PHTF1: variants seen among roughly 807,000 people sequenced by gnomAD.
PHTF1 encodes the protein protein PHTF1.
PHTF1 carries 88 observed loss-of-function variants against 102.4 expected under a neutral mutation model. The observed-to-expected ratio is 0.86, with a 90% confidence interval of 0.72 to 1.03. The LOEUF is 1.03. PHTF1 is among the 50% of genes least tolerant of loss of function. PHTF1 has a pLI of 0.00. For synonymous variants in PHTF1, 289 were observed against 305.2 expected, an observed-to-expected ratio of 0.95 and a Z score of 0.55; for missense variants, 814 against 909.5, an observed-to-expected ratio of 0.89 and a Z score of 1.35.
intron 2 of PHTF1, 144 bp downstream of exon 2, chr1:113,758,514 CT>C (rs200794989): frequency 0.17 from 56,526 of 326,790 alleles, 280 homozygotes; most frequent in Middle Eastern, 0.21. Context: ...CCTTGTACAT[CT>C]TTTTTTTTTT....
chr1:113,753,866 TC>T (rs1295816868), intron 3 of PHTF1, among the ~76,000 whole-genome samples: 1 of 151,824 alleles, frequency 6.6e-6, no homozygotes, highest in African/African-American at 2.4e-5. Flanking sequence ...AGACAGAGTC[TC>T]CCTATGTTGC....
intron 3 of PHTF1, among the ~76,000 whole-genome samples, chr1:113,754,786 C>A (rs1176721247): frequency 6.6e-6 from 1 of 152,086 alleles, no homozygotes; most frequent in Non-Finnish European, 1.5e-5. Context: ...ACCATTAAAA[C>A]CTTTCAATTT....
Position 113,699,836 on chromosome 1 carries a change from GA to G in PHTF1, c.2047-38del, listed in dbSNP as rs201387268. 2,024 of 839,708 alleles carry G rather than the reference GA, an allele frequency of 2.4e-3. 24 individuals carry two copies. The highest frequency in any genetic ancestry group is 0.023 in the African/African-American group (1,299 of 57,712). 52.0% of individuals were successfully genotyped at this position (839,708 alleles called of 1,614,324 possible). ...AATAGAAATTAAGGTAAATTTCTTG[GA>G]AAAAAATATATATACTGCATAAAAT... On this transcript the variant is annotated intron_variant, in intron 16 of 18. Transcript: ENST00000369604.
chr1:113,749,641 CT>C (rs1557972156), intron 3 of PHTF1: 2 of 152,176 alleles, frequency 1.3e-5, no homozygotes, highest in African/African-American at 4.8e-5. Flanking sequence ...TAAGGAAGAT[CT>C]GGGGGTAGAT....
intron 15 of PHTF1, 126 bp from the exon 16 acceptor site, chr1:113,701,075 C>T (rs965044882): frequency 1.5e-6 from 1 of 688,346 alleles, no homozygotes; most frequent in African/African-American, 1.8e-5. Context: ...AGCAGAAGAG[C>T]TTTAATACTC....
At chr1:113,702,036 T>C (rs756655862) in intron 15 of PHTF1, among the ~76,000 whole-genome samples, 2 of 151,958 alleles carry the variant, frequency 1.3e-5, no homozygotes, top group Admixed American at 6.6e-5. Flanking sequence ...AAGGTAAATA[T>C]GTGAGTAAAT....
At chr1:113,750,261 G>A (rs1173011515) in intron 3 of PHTF1, among the ~76,000 whole-genome samples, 4 of 152,206 alleles carry the variant, frequency 2.6e-5, no homozygotes, top group South Asian at 2.1e-4. Flanking sequence ...GATTATAGGC[G>A]TGAGCGACCA....
intron 17 of PHTF1, chr1:113,699,138 G>A (rs1649163144): frequency 5.6e-6 from 1 of 179,628 alleles, no homozygotes; most frequent in Non-Finnish European, 1.2e-5. Context: ...TGGGCACAGG[G>A]GCCAAGACAG....
At chr1:113,718,942 T>G (rs1313666256) in intron 7 of PHTF1, among the ~76,000 whole-genome samples, 1 of 152,218 alleles carries the variant, frequency 6.6e-6, no homozygotes, top group Non-Finnish European at 1.5e-5. Flanking sequence ...TCCTTGCTAC[T>G]TATGCAAATT....
chr1:113,704,920 A>G (rs1571085949), intron 13 of PHTF1, 123 bp from the exon 14 acceptor site: 1 of 717,666 alleles, frequency 1.4e-6, no homozygotes, highest in East Asian at 2.7e-5. Context: ...ATCAGTGTTC[A>G]GTAAGATGGG....
rs1478346762 is a variant in PHTF1 at position 113,711,737 on chromosome 1, A to T, written c.1047+9T>A. 2 of 1,600,930 alleles carry T rather than the reference A, an allele frequency of 1.2e-6. No homozygotes were observed. The highest frequency in any genetic ancestry group is 1.7e-6 in the Non-Finnish European group (2 of 1,168,126). ...AAATATACCTTGATTTCTCAAAGGGATACTTTACCTGGCTGAAGGCTGCTG... is the reference window on the plus strand; with the variant it reads ...AAATATACCTTGATTTCTCAAAGGGTTACTTTACCTGGCTGAAGGCTGCTG... On this transcript the variant is annotated intron_variant, in intron 10 of 18. Transcript: ENST00000369604.
At position 113,738,617 on chromosome 1, in the gene PHTF1, A is replaced by G; in HGVS notation, c.172+113T>C. 1.4e-5 allele frequency: 10 copies of G among 696,772 alleles called. No homozygotes were observed. The South Asian group carries it at 1.8e-4, about 13-fold the overall frequency. 43.2% of individuals were successfully genotyped at this position (696,772 alleles called of 1,614,324 possible). A position where few individuals can be genotyped will look rare whatever the true frequency, so the allele number is the denominator to read the frequency against. ...GTGCTAAAGCCTGAATGATGAGAGTAAAGTGTTACATTTAGAAATTAAAGT... is the reference window on the plus strand; with the variant it reads ...GTGCTAAAGCCTGAATGATGAGAGTGAAGTGTTACATTTAGAAATTAAAGT... On this transcript the variant is annotated intron_variant, in intron 4 of 18. Coordinates refer to ENST00000369604, the MANE Select transcript of PHTF1 (RefSeq NM_001323043.2).
chr1:113,731,270 C>T (rs1260902654), intron 5 of PHTF1, among the ~76,000 whole-genome samples: 1 of 152,086 alleles, frequency 6.6e-6, no homozygotes, highest in African/African-American at 2.4e-5. Context: ...ACACGTGTAA[C>T]TCAAACACTT....
chr1:113,742,191 C>T (rs891661257), intron 3 of PHTF1, among the ~76,000 whole-genome samples: 2 of 152,204 alleles, frequency 1.3e-5, no homozygotes, highest in African/African-American at 4.8e-5. Context: ...GTAAAGCTTA[C>T]TACACACCTA....
At position 113,752,385 on chromosome 1, in the gene PHTF1, A is replaced by ATTTTTT. The variant is rs774522219; in HGVS notation, c.102+5308_102+5313dup. Among the ~76,000 whole-genome samples, 116 of 47,914 alleles carry ATTTTTT rather than the reference A, an allele frequency of 2.4e-3. 14 individuals carry two copies. Among genetic ancestry groups the ATTTTTT allele is most frequent in the East Asian group, 7.8e-3 (13 of 1,666 alleles). The allele number at this position is 47,914 out of a possible 152,430, so 31.4% of individuals were successfully genotyped here. ...CTTGCCACATTCATTTGTTACTGTA[A>ATTTTTT]TTTTTTTTTTTTTTTTTTTTTTTTT... On this transcript the variant is annotated intron_variant, in intron 3 of 18. Transcript: ENST00000369604.
intron 3 of PHTF1, among the ~76,000 whole-genome samples, chr1:113,747,158 A>T (rs1418743451): frequency 6.6e-6 from 1 of 152,226 alleles, no homozygotes; most frequent in Non-Finnish European, 1.5e-5. Flanking sequence ...CCTGAACTAT[A>T]GTTTTTTCCA....
At chr1:113,759,585 G>T (rs1054779655), upstream of PHTF1, 1 of 152,372 alleles carries the variant, frequency 6.6e-6, no homozygotes, top group Non-Finnish European at 1.5e-5. Flanking sequence ...CCTGGCCCGG[G>T]GCCTTCCCGC....
intron 7 of PHTF1, among the ~76,000 whole-genome samples, chr1:113,720,379 G>T (rs1405753970): frequency 6.6e-6 from 1 of 152,070 alleles, no homozygotes; most frequent in African/African-American, 2.4e-5. Flanking sequence ...GCATTAGACA[G>T]ATCATCCAAA....
At chr1:113,698,618 TATACACACACACACACACAC>T (rs1172309571) in intron 17 of PHTF1, among the ~76,000 whole-genome samples, 3 of 115,736 alleles carry the variant, frequency 2.6e-5, no homozygotes, top group Admixed American at 1.8e-4. Flanking sequence ...TATATATATA[TATACACACACACACACACAC>T]ACACACACAC....
Sources: gnomAD v4.1 joint callset for allele counts (sites outside exome capture counted in the v4.1 genomes callset) on GRCh38, gnomAD v4.1.1 for gene constraint, MANE v1.5 for transcripts, NCBI Gene and HGNC (gene_info 2026-07-23, HGNC 2026-07-21) for gene names.